STK31: variants seen among roughly 807,000 people sequenced by gnomAD.
STK31 encodes the protein serine/threonine-protein kinase 31.
Under a neutral mutation model 129.7 loss-of-function variants are expected in STK31, and 89 were observed. That is an observed-to-expected ratio of 0.69 (90% CI 0.58 to 0.82). STK31 has a LOEUF of 0.82. Among genes scored for constraint, STK31 ranks in the 40% least tolerant of loss-of-function variants. The probability of loss-of-function intolerance (pLI) is 0.00; values close to 1 mark genes in which losing one functional copy is unlikely to be tolerated. For synonymous variants in STK31, 448 were observed against 395.3 expected, an observed-to-expected ratio of 1.13 and a Z score of -1.58; for missense variants, 1,187 against 1,176.4, an observed-to-expected ratio of 1.01 and a Z score of -0.13.
At chr7:23,780,625 C>T (rs1229458074) in intron 15 of STK31, among the ~76,000 whole-genome samples, 7 of 152,190 alleles carry the variant, frequency 4.6e-5, no homozygotes, top group African/African-American at 1.7e-4. Flanking sequence ...TGCATTTTTA[C>T]ATCAGAGGAA....
At chr7:23,722,332 T>G (rs1386745664) in intron 4 of STK31, 1 of 153,518 alleles carries the variant, frequency 6.5e-6, no homozygotes, top group African/African-American at 2.4e-5. Flanking sequence ...GCAGGTCTGT[T>G]GGAGTTTGCT....
intron 8 of STK31, among the ~76,000 whole-genome samples, chr7:23,748,313 T>C (rs1788480595): frequency 6.6e-6 from 1 of 152,200 alleles, no homozygotes; most frequent in South Asian, 2.1e-4. Flanking sequence ...GCAGACATTG[T>C]ACGGTTTCTA....
chr7:23,793,356 C>T (rs888857679), intron 22 of STK31, among the ~76,000 whole-genome samples: 5 of 152,048 alleles, frequency 3.3e-5, no homozygotes, highest in Non-Finnish European at 5.9e-5. Context: ...TTAAGTAGGA[C>T]ACAGAAAACA....
intron 15 of STK31, among the ~76,000 whole-genome samples, chr7:23,775,228 G>A (rs1192710991): frequency 6.6e-6 from 1 of 152,186 alleles, no homozygotes; most frequent in Non-Finnish European, 1.5e-5. Flanking sequence ...TTTGGTTACT[G>A]TAGCCTTGTA....
intron 7 of STK31, among the ~76,000 whole-genome samples, chr7:23,736,670 G>C (rs1036083041): frequency 2.0e-5 from 3 of 152,036 alleles, no homozygotes; most frequent in African/African-American, 7.2e-5. Flanking sequence ...GTGCTATGAA[G>C]AAGTTGGAAT....
Position 23,773,199 on chromosome 7 carries a change from C to T in STK31, c.1965+921C>T, listed in dbSNP as rs577974714. On this transcript the variant is annotated intron_variant, in intron 15 of 23. Transcript: ENST00000355870. ...CCTAATGCTATTCCTCCCCTAGACC[C>T]CCACCCCCTGACAGGCCCAGTGTGT... is the stretch of plus-strand genomic sequence containing the variant. Among the ~76,000 whole-genome samples the T allele has an allele frequency of 4.6e-5, 7 of 152,166 alleles. No individual in the cohort carries two copies. The South Asian group carries it at 8.3e-4, about 18-fold the overall frequency.
At chr7:23,747,705 G>A (rs752951097) in intron 8 of STK31, among the ~76,000 whole-genome samples, 8 of 152,154 alleles carry the variant, frequency 5.3e-5, no homozygotes, top group South Asian at 2.1e-4. Flanking sequence ...GGCAGATTAC[G>A]TCTTTCAAAG....
intron 20 of STK31, 90 bp from the exon 21 acceptor site, chr7:23,787,890 C>T: frequency 7.5e-7 from 1 of 1,329,738 alleles, no homozygotes; most frequent in Non-Finnish European, 1.0e-6. Flanking sequence ...ACTTTACTCA[C>T]TTCTAGAGCA....
At chr7:23,728,072 C>CTTTTTTTTTTTTTTT (rs56355518) in intron 5 of STK31, among the ~76,000 whole-genome samples, 2 of 68,266 alleles carry the variant, frequency 2.9e-5, no homozygotes, top group Admixed American at 1.9e-4. Context: ...TTGTGTTAAG[C>CTTTTTTTTTTTTTTT]TTTTTTTTTT....
intron 4 of STK31, among the ~76,000 whole-genome samples, chr7:23,723,396 A>G (rs1018772706): frequency 2.6e-5 from 4 of 152,140 alleles, no homozygotes; most frequent in African/African-American, 9.7e-5. Flanking sequence ...GAGCCAACTC[A>G]TTCCTCAATT....
At chr7:23,759,422 C>A (rs112102431) in intron 10 of STK31, among the ~76,000 whole-genome samples, 23 of 152,138 alleles carry the variant, frequency 1.5e-4, no homozygotes, top group Admixed American at 1.1e-3. Flanking sequence ...GAAATCATAA[C>A]AAACAGTCTC....
intron 22 of STK31, chr7:23,791,223 TC>T (rs1791594990): frequency 1.0e-6 from 1 of 966,148 alleles, no homozygotes; most frequent in African/African-American, 1.8e-5. Flanking sequence ...TGAAAGCAGT[TC>T]ATGCATATAT....
intron 23 of STK31, among the ~76,000 whole-genome samples, chr7:23,824,912 A>G (rs919154768): frequency 4.6e-5 from 7 of 151,848 alleles, no homozygotes; most frequent in Non-Finnish European, 7.4e-5. Context: ...ATTGATTTTC[A>G]TATGTTGAAC....
intron 22 of STK31, among the ~76,000 whole-genome samples, chr7:23,814,270 G>C (rs73271400): frequency 0.016 from 2,399 of 149,274 alleles, 82 homozygotes; most frequent in African/African-American, 0.056. Flanking sequence ...TTTTCCTTTG[G>C]TTATATTTTA....
intron 23 of STK31, among the ~76,000 whole-genome samples, chr7:23,819,012 G>GA (rs1266462885): frequency 3.9e-5 from 6 of 152,064 alleles, no homozygotes; most frequent in Admixed American, 6.5e-5. Flanking sequence ...TGGTCTCAAG[G>GA]AAAAAAATTA....
intron 22 of STK31, among the ~76,000 whole-genome samples, chr7:23,800,477 C>G (rs1056651125): frequency 6.6e-6 from 1 of 152,042 alleles, no homozygotes; most frequent in African/African-American, 2.4e-5. Flanking sequence ...CAAACTAACA[C>G]AGGAACAGAA....
At chr7:23,796,685 C>G (rs1292958892) in intron 22 of STK31, among the ~76,000 whole-genome samples, 1 of 152,156 alleles carries the variant, frequency 6.6e-6, no homozygotes. Flanking sequence ...CAGCCTCCTC[C>G]CAACCCTTAA....
intron 22 of STK31, among the ~76,000 whole-genome samples, chr7:23,800,926 T>C (rs1322041641): frequency 6.6e-6 from 1 of 152,210 alleles, no homozygotes; most frequent in Non-Finnish European, 1.5e-5. Flanking sequence ...TGCTCTGTTG[T>C]ATGTACATAC....
chr7:23,756,027 G>A (rs369747712), intron 10 of STK31, among the ~76,000 whole-genome samples: 3 of 152,252 alleles, frequency 2.0e-5, no homozygotes, highest in East Asian at 3.9e-4. Flanking sequence ...TTCTAATTCT[G>A]TGAAGAATGT....
Sources: gnomAD v4.1 joint callset for allele counts (sites outside exome capture counted in the v4.1 genomes callset) on GRCh38, gnomAD v4.1.1 for gene constraint, MANE v1.5 for transcripts, NCBI Gene and HGNC (gene_info 2026-07-23, HGNC 2026-07-21) for gene names.